The following RBFOX1 variants were observed in gnomAD, a reference collection of about 807,000 sequenced individuals.
RBFOX1 encodes RNA binding fox-1 homolog 1.
A neutral mutation model predicts 57.7 loss-of-function variants in RBFOX1; 8 were observed. The ratio of observed to expected loss-of-function variants is 0.14; its 90% CI spans 0.08 to 0.25. The LOEUF (loss-of-function observed/expected upper bound fraction) is 0.25, where lower values mean the gene tolerates loss of function less well. RBFOX1 is among the 10% of genes least tolerant of loss of function. RBFOX1 has a pLI of 1.00. For synonymous variants in RBFOX1, 326 were observed against 222.4 expected (o/e 1.47, Z -4.15); for missense variants, 611 against 548.5 (o/e 1.11, Z -1.14).
chr16:7,691,421 A>AAGAACGGAAAG (rs2077298786), intron 14 of RBFOX1, among the ~76,000 whole-genome samples: 1 of 151,764 alleles, frequency 6.6e-6, no homozygotes, highest in Non-Finnish European at 1.5e-5. Context: ...AAAGGAGAGA[A>AAGAACGGAAAG]AGAACGGAAA....
At chr16:5,996,347 C>A (rs1374652975) in intron 4 of RBFOX1, among the ~76,000 whole-genome samples, 1 of 152,126 alleles carries the variant, frequency 6.6e-6, no homozygotes, top group Non-Finnish European at 1.5e-5. Flanking sequence ...CCATGAGAAC[C>A]CAGGTCATGA....
chr16:6,500,016 T>G (rs768472853), intron 2 of RBFOX1, among the ~76,000 whole-genome samples: 1 of 152,128 alleles, frequency 6.6e-6, no homozygotes, highest in Non-Finnish European at 1.5e-5. Context: ...CTAGAAACCC[T>G]TATCACTGAA....
chr16:7,088,260 G>T (rs1260626968), intron 4 of RBFOX1, among the ~76,000 whole-genome samples: 2 of 152,200 alleles, frequency 1.3e-5, no homozygotes, highest in East Asian at 3.8e-4. Context: ...ACTTGTAGCT[G>T]TGAGGTATTT....
At chr16:7,537,248 G>T (rs541137131) in intron 5 of RBFOX1, among the ~76,000 whole-genome samples, 1 of 152,344 alleles carries the variant, frequency 6.6e-6, no homozygotes, top group East Asian at 1.9e-4. Flanking sequence ...TCTGGAACAT[G>T]GGTTGGAGTC....
intron 4 of RBFOX1, among the ~76,000 whole-genome samples, chr16:5,995,116 C>T (rs981572817): frequency 2.0e-5 from 3 of 152,214 alleles, no homozygotes; most frequent in African/African-American, 4.8e-5. Context: ...CTGTACCTTA[C>T]ACTATAACCT....
At chr16:5,460,718 T>C (rs1225988300) in intron 1 of RBFOX1, among the ~76,000 whole-genome samples, 1 of 152,212 alleles carries the variant, frequency 6.6e-6, no homozygotes, top group Admixed American at 6.5e-5. Context: ...TTCCTCCTCT[T>C]TTCATGCCTG....
At chr16:5,561,834 C>T (rs978750238) in intron 2 of RBFOX1, among the ~76,000 whole-genome samples, 2 of 152,066 alleles carry the variant, frequency 1.3e-5, no homozygotes, top group African/African-American at 2.4e-5. Context: ...GTTCCTTTTG[C>T]AATTTAAGTT....
At chr16:5,684,999 G>A (rs969012092) in intron 3 of RBFOX1, among the ~76,000 whole-genome samples, 3 of 152,170 alleles carry the variant, frequency 2.0e-5, no homozygotes, top group Non-Finnish European at 4.4e-5. Context: ...CAGCCTGATG[G>A]TTGGTTTTGT....
chr16:7,571,739 T>C (rs1050907412), intron 5 of RBFOX1, among the ~76,000 whole-genome samples: 3 of 152,186 alleles, frequency 2.0e-5, no homozygotes, highest in African/African-American at 4.8e-5. Flanking sequence ...AACCCACCTC[T>C]TGGGGTTAAT....
At chr16:6,980,543 C>T (rs1019273855) in intron 3 of RBFOX1, among the ~76,000 whole-genome samples, 17 of 152,170 alleles carry the variant, frequency 1.1e-4, no homozygotes, top group African/African-American at 4.1e-4. Flanking sequence ...TCCAAGCTAA[C>T]ATTTGACATG....
intron 2 of RBFOX1, among the ~76,000 whole-genome samples, chr16:5,567,724 C>T (rs984844293): frequency 2.7e-5 from 4 of 150,900 alleles, no homozygotes; most frequent in Non-Finnish European, 4.4e-5. Context: ...ACATCATCCT[C>T]ACTGCCACCA....
At chr16:5,796,678 C>T (rs2054889979) in intron 3 of RBFOX1, among the ~76,000 whole-genome samples, 1 of 152,140 alleles carries the variant, frequency 6.6e-6, no homozygotes, top group African/African-American at 2.4e-5. Context: ...GATACTCTTA[C>T]CCCATTTTAC....
intron 4 of RBFOX1, among the ~76,000 whole-genome samples, chr16:7,357,220 C>T (rs1352078975): frequency 2.1e-5 from 3 of 143,106 alleles, no homozygotes; most frequent in African/African-American, 8.2e-5. Context: ...TGATAAGAGT[C>T]GGCAGGAGAA....
At chr16:7,192,771 G>A (rs9935380) in intron 4 of RBFOX1, among the ~76,000 whole-genome samples, 1 of 152,048 alleles carries the variant, frequency 6.6e-6, no homozygotes, top group Non-Finnish European at 1.5e-5. Context: ...CAATCTTTCT[G>A]TGAGTCTAAA....
chr16:6,796,131 G>A (rs914564359), intron 3 of RBFOX1, among the ~76,000 whole-genome samples: 1 of 151,532 alleles, frequency 6.6e-6, no homozygotes, highest in Non-Finnish European at 1.5e-5. Context: ...GGCGGAAGGT[G>A]AAAGGTATGT....
At chr16:5,239,797 G>A (rs1400370256), upstream of RBFOX1, 83 of 696,886 alleles carry the variant, frequency 1.2e-4, no homozygotes, top group South Asian at 5.3e-4. Context: ...CGGACCCACC[G>A]AGCCCGCGCT....
At chr16:7,520,077 G>C (rs553002380) in intron 5 of RBFOX1, among the ~76,000 whole-genome samples, 1 of 152,150 alleles carries the variant, frequency 6.6e-6, no homozygotes, top group Non-Finnish European at 1.5e-5. Context: ...GGTAGAGACG[G>C]GATTTCACTG....
chr16:6,242,876 TG>T (rs1764434318), intron 1 of RBFOX1, among the ~76,000 whole-genome samples: 1 of 152,144 alleles, frequency 6.6e-6, no homozygotes, highest in Non-Finnish European at 1.5e-5. Flanking sequence ...TTTTAACCAA[TG>T]TTAAAACTTT....
chr16:5,378,188 G>A (rs752321987), intron 1 of RBFOX1, among the ~76,000 whole-genome samples: 9 of 151,648 alleles, frequency 5.9e-5, no homozygotes, highest in Non-Finnish European at 1.0e-4. Context: ...TTCAGCAACA[G>A]CTTCTCCTTG....
Sources: gnomAD v4.1 joint callset for allele counts (sites outside exome capture counted in the v4.1 genomes callset) on GRCh38, gnomAD v4.1.1 for gene constraint, MANE v1.5 for transcripts, NCBI Gene and HGNC (gene_info 2026-07-23, HGNC 2026-07-21) for gene names.